The following GRM7 variants were observed in gnomAD, a reference collection of about 807,000 sequenced individuals.
The protein encoded by GRM7 is metabotropic glutamate receptor 7.
GRM7 carries 35 observed loss-of-function variants against 84.5 expected under a neutral mutation model. The ratio of observed to expected loss-of-function variants is 0.41; its 90% confidence interval spans 0.32 to 0.55. GRM7 has a LOEUF of 0.55. GRM7 is among the 20% of genes least tolerant of loss of function. The pLI is 0.19. For missense variants in GRM7, 1,003 were observed against 1,194.6 expected (o/e 0.84, Z 2.36); for synonymous variants, 487 against 455.1 (o/e 1.07, Z -0.89).
At chr3:7,334,220 G>A (rs73132240) in intron 4 of GRM7, among the ~76,000 whole-genome samples, 5,956 of 152,052 alleles carry the variant, frequency 0.039, 250 homozygotes, top group African/African-American at 0.11. Flanking sequence ...AGTATCACCT[G>A]TAAAGGAAAA....
chr3:7,361,256 G>A (rs111485428), intron 4 of GRM7, among the ~76,000 whole-genome samples: 9 of 151,998 alleles, frequency 5.9e-5, no homozygotes, highest in Non-Finnish European at 1.2e-4. Flanking sequence ...AACGTGGAAA[G>A]TACCTTCTCA....
chr3:7,204,306 G>C (rs1262305102), intron 2 of GRM7, among the ~76,000 whole-genome samples: 1 of 152,180 alleles, frequency 6.6e-6, no homozygotes, highest in Non-Finnish European at 1.5e-5. Context: ...TCTCTCTTAG[G>C]AACTGAGATT....
intron 7 of GRM7, among the ~76,000 whole-genome samples, chr3:7,463,077 G>A (rs1273826464): frequency 6.6e-6 from 1 of 151,650 alleles, no homozygotes; most frequent in African/African-American, 2.4e-5. Context: ...TTTTTACTGG[G>A]TGCTGCCATG....
chr3:7,411,378 A>G (rs60297647), intron 4 of GRM7, among the ~76,000 whole-genome samples: 7,119 of 152,272 alleles, frequency 0.047, 485 homozygotes, highest in African/African-American at 0.15. Context: ...TAGTTATAAC[A>G]TTACCACCCA....
intron 2 of GRM7, among the ~76,000 whole-genome samples, chr3:7,176,229 TA>T (rs55732650): frequency 0.061 from 3,855 of 62,808 alleles, 70 homozygotes; most frequent in East Asian, 0.14. Flanking sequence ...CTATAAAAAG[TA>T]AAAAAAAAAA....
At chr3:7,484,635 A>G (rs925666406) in intron 7 of GRM7, among the ~76,000 whole-genome samples, 1 of 152,222 alleles carries the variant, frequency 6.6e-6, no homozygotes, top group African/African-American at 2.4e-5. Flanking sequence ...TGTGCCAGGC[A>G]CAGTTCTTAG....
intron 4 of GRM7, among the ~76,000 whole-genome samples, chr3:7,412,411 G>A (rs1695979378): frequency 6.6e-6 from 1 of 152,254 alleles, no homozygotes; most frequent in South Asian, 2.1e-4. Flanking sequence ...TTGACATTCT[G>A]ATAGGTTTCC....
At chr3:7,493,036 A>T (rs1171828620) in intron 7 of GRM7, among the ~76,000 whole-genome samples, 1 of 151,918 alleles carries the variant, frequency 6.6e-6, no homozygotes, top group Admixed American at 6.6e-5. Flanking sequence ...GTTCTAGAGC[A>T]CTCTGCATGA....
chr3:7,591,191 G>A (rs955007988), intron 8 of GRM7, among the ~76,000 whole-genome samples: 18 of 152,098 alleles, frequency 1.2e-4, no homozygotes, highest in East Asian at 1.9e-4. Context: ...TGAAGATTGC[G>A]CAGACAAAGC....
At chr3:7,329,314 G>C (rs182539052) in intron 4 of GRM7, among the ~76,000 whole-genome samples, 1 of 152,160 alleles carries the variant, frequency 6.6e-6, no homozygotes, top group African/African-American at 2.4e-5. Context: ...TTAACAAGCA[G>C]GGTCCTTTCA....
intron 1 of GRM7, among the ~76,000 whole-genome samples, chr3:7,022,530 C>CA (rs950408001): frequency 4.6e-5 from 7 of 151,244 alleles, no homozygotes; most frequent in African/African-American, 1.5e-4. Context: ...TCTAGTACCC[C>CA]AAAAAAATAT....
At chr3:7,070,337 C>A (rs187522492) in intron 1 of GRM7, among the ~76,000 whole-genome samples, 4 of 151,996 alleles carry the variant, frequency 2.6e-5, no homozygotes, top group African/African-American at 7.2e-5. Context: ...AAAAAAATAA[C>A]CTGCTCTCAA....
At chr3:7,436,721 A>G (rs1402556056) in intron 5 of GRM7, among the ~76,000 whole-genome samples, 1 of 151,210 alleles carries the variant, frequency 6.6e-6, no homozygotes, top group African/African-American at 2.4e-5. Context: ...TATCTCTCCA[A>G]CTCTTGCCAT....
At chr3:7,558,780 G>A (rs951532798) in intron 7 of GRM7, among the ~76,000 whole-genome samples, 1 of 152,100 alleles carries the variant, frequency 6.6e-6, no homozygotes, top group Non-Finnish European at 1.5e-5. Context: ...TGTGAATATT[G>A]TAGTGCTATC....
At chr3:6,913,743 A>G (rs1444636766) in intron 1 of GRM7, among the ~76,000 whole-genome samples, 1 of 152,154 alleles carries the variant, frequency 6.6e-6, no homozygotes, top group Non-Finnish European at 1.5e-5. Context: ...AAAAGTAGGT[A>G]TGGGTTGTTT....
At position 7,649,223 on chromosome 3, in the gene GRM7, C is replaced by A. The variant is rs139035479; in HGVS notation, c.2452-30826C>A. ...TAGCTGGGACTACAGGCACCCACTACCACGCCCGGCTAATTTTATGTATTT... is the reference window on the plus strand; with the variant it reads ...TAGCTGGGACTACAGGCACCCACTAACACGCCCGGCTAATTTTATGTATTT... On this transcript the variant is annotated intron_variant, in intron 8 of 9. Coordinates refer to ENST00000357716, the MANE Select transcript of GRM7 (RefSeq NM_000844.4). 8.5e-3 allele frequency among the ~76,000 whole-genome samples: 1,294 copies of A among 152,098 alleles called. 30 individuals carry two copies. The highest frequency in any genetic ancestry group is 0.036 in the Admixed American group (557 of 15,266).
At position 7,723,981 on chromosome 3, in the gene GRM7, C is replaced by T. The variant is rs1049088258; in HGVS notation, c.2699-16376C>T. Among the ~76,000 whole-genome samples the T allele has an allele frequency of 2.6e-5, 4 of 152,274 alleles. No individual in the cohort carries two copies. In the East Asian group the frequency reaches 7.7e-4, roughly 29 times the overall value. On this transcript the variant is annotated intron_variant, in intron 9 of 9. Transcript: ENST00000357716. Reference sequence around the variant, plus strand: ...CCATCCACCATCTCCTACCTGGATTCTAAGCTAGCTTCAAAGCAACGGACT... The same window carrying T: ...CCATCCACCATCTCCTACCTGGATTTTAAGCTAGCTTCAAAGCAACGGACT...
At chr3:6,890,883 C>T (rs974749290) in intron 1 of GRM7, among the ~76,000 whole-genome samples, 1 of 152,104 alleles carries the variant, frequency 6.6e-6, no homozygotes, top group African/African-American at 2.4e-5. Context: ...CTTTGTAGGT[C>T]ACTCAGGACT....
At chr3:7,293,779 T>C (rs2125014486) in intron 2 of GRM7, among the ~76,000 whole-genome samples, 1 of 152,320 alleles carries the variant, frequency 6.6e-6, no homozygotes, top group South Asian at 2.1e-4. Flanking sequence ...CCATCATTAT[T>C]GTCTCACAGT....
Sources: allele counts gnomAD v4.1 joint callset (sites outside exome capture counted in the v4.1 genomes callset), GRCh38; gene constraint gnomAD v4.1.1; transcripts MANE v1.5; gene names NCBI Gene and HGNC (gene_info 2026-07-23, HGNC 2026-07-21).